The following ACAD10 variants were observed in gnomAD, a reference collection of about 807,000 sequenced individuals.
ACAD10 encodes the protein ACAD-10.
A neutral mutation model predicts 116.8 loss-of-function variants in ACAD10; 112 were observed. The ratio of observed to expected loss-of-function variants is 0.96; its 90% confidence interval spans 0.82 to 1.12. The LOEUF is 1.12. Among genes scored for constraint, ACAD10 ranks in the 50% most tolerant of loss-of-function variants. The pLI is 0.00. For missense variants in ACAD10, 1,259 were observed against 1,350.2 expected (o/e 0.93, Z 1.06); for synonymous variants, 486 against 510.6 (o/e 0.95, Z 0.65).
rs576796840 is a variant in ACAD10 at position 111,711,653 on chromosome 12, T to A, written c.691-845T>A. Among the ~76,000 whole-genome samples, 16 of 151,714 alleles carry A rather than the reference T, an allele frequency of 1.1e-4. No individual in the cohort carries two copies. In the South Asian group the frequency reaches 3.3e-3, roughly 32 times the overall value. On this transcript the variant is annotated intron_variant, in intron 5 of 20. Coordinates refer to ENST00000313698, the MANE Select transcript of ACAD10 (RefSeq NM_025247.6). ...CATTCTCCTGCCTCAGCCTCCCAAG[T>A]AGCTGGGACTACAGGCGCCTGGCTA...
At position 111,715,824 on chromosome 12, in the gene ACAD10, C is replaced by T. The variant is rs137994931; in HGVS notation, c.854C>T (p.Pro285Leu). 3 of 1,614,174 alleles carry T rather than the reference C, an allele frequency of 1.9e-6. No homozygotes were observed. The highest frequency in any genetic ancestry group is 2.5e-6 in the Non-Finnish European group (3 of 1,180,032). ...TTCTTTGTTTTCAAACTTGCAGGCC[C>T]ATTGGAACTACTTCAGTTTGATCAC... Reference protein sequence around the residue: ...KDLLGIQTTGPLELLQFDHGQ... With the variant: ...KDLLGIQTTGLLELLQFDHGQ... Residue 285 changes from proline to leucine, a missense_variant, in exon 7 of 21, where the codon CCA becomes CTA. By Grantham distance (98) the Pro-to-Leu change is moderately conservative (BLOSUM62 -3). Coordinates refer to ENST00000313698, the MANE Select transcript of ACAD10 (RefSeq NM_025247.6).
intron 4 of ACAD10, among the ~76,000 whole-genome samples, chr12:111,707,466 T>G (rs556405815): frequency 3.9e-5 from 6 of 152,252 alleles, no homozygotes; most frequent in African/African-American, 1.4e-4. Context: ...CTTTAGAAAC[T>G]CCAAAGCCCA....
chr12:111,718,036 C>CTTTTTTTTTTTTT lies in ACAD10; in HGVS notation c.992+2093_992+2105dup, dbSNP rs560344796. ...TATACGTAGGATCTATAGTGATATC[C>CTTTTTTTTTTTTT]TTTTTTTTTTTTTTTTTTTTTTTTT... On this transcript the variant is annotated intron_variant, in intron 7 of 20. Coordinates refer to ENST00000313698, the MANE Select transcript of ACAD10 (RefSeq NM_025247.6). 5.3e-4 allele frequency among the ~76,000 whole-genome samples: 34 copies of CTTTTTTTTTTTTT among 63,676 alleles called. 5 individuals carry two copies. The highest frequency in any genetic ancestry group is 2.4e-3 in the African/African-American group (29 of 12,206). 41.8% of individuals were successfully genotyped at this position (63,676 alleles called of 152,430 possible). A position where few individuals can be genotyped will look rare whatever the true frequency, so the allele number is the denominator to read the frequency against.
intron 8 of ACAD10, among the ~76,000 whole-genome samples, chr12:111,723,599 C>T (rs1205083754): frequency 1.5e-5 from 2 of 135,400 alleles, no homozygotes; most frequent in Non-Finnish European, 1.6e-5. Context: ...GGGGGGCTGA[C>T]CCCCCCACCT....
At chr12:111,738,931 A>G (rs973174573) in intron 12 of ACAD10, among the ~76,000 whole-genome samples, 2 of 134,642 alleles carry the variant, frequency 1.5e-5, no homozygotes, top group Non-Finnish European at 3.1e-5. Flanking sequence ...AAAGAGACAA[A>G]GTCTCATTGA....
intron 6 of ACAD10, among the ~76,000 whole-genome samples, chr12:111,713,201 C>T (rs978668035): frequency 7.3e-5 from 11 of 151,196 alleles, no homozygotes; most frequent in Admixed American, 2.7e-4. Context: ...ATCCCAGATA[C>T]TCGGGAGGCT....
At chr12:111,748,887 C>G (rs772422553) in intron 17 of ACAD10, 54 of 978,894 alleles carry the variant, frequency 5.5e-5, no homozygotes, top group Non-Finnish European at 7.6e-5. Flanking sequence ...TTCATAGGAT[C>G]ACTACATTGT....
At chr12:111,706,989 G>C (rs1888530127) in intron 4 of ACAD10, among the ~76,000 whole-genome samples, 1 of 150,434 alleles carries the variant, frequency 6.6e-6, no homozygotes, top group Admixed American at 6.7e-5. Flanking sequence ...TGTTGGCCAG[G>C]CTAGTCTCGA....
intron 8 of ACAD10, among the ~76,000 whole-genome samples, chr12:111,723,762 C>T (rs926602924): frequency 2.7e-5 from 4 of 150,874 alleles, no homozygotes; most frequent in Admixed American, 6.6e-5. Flanking sequence ...GGGTGGCTGC[C>T]GGGCAGAGAG....
rs372079522 is a variant in ACAD10, at chr12:111,692,842, G to A, written c.133G>A (p.Val45Met). 1.2e-6 allele frequency: 2 copies of A among 1,614,118 alleles called. No individual in the cohort carries two copies. The highest frequency in any genetic ancestry group is 2.7e-5 in the African/African-American group (2 of 74,946). The part of the protein sequence containing the change: ...THLGGSTYRA[V>M]IFDMGGVLIP... ...CCTTGGAGGCAGCACCTACAGAGCG[G>A]TGATTTTCGACATGGGCGGAGTTCT... The change falls in exon 2 of 21, where the codon GTG becomes ATG. Residue 45 changes from valine (V) to methionine (M), a missense_variant. Transcript: ENST00000313698.
chr12:111,745,493 C>A (rs768473664), intron 13 of ACAD10: 1 of 211,926 alleles, frequency 4.7e-6, no homozygotes, highest in Non-Finnish European at 9.3e-6. Flanking sequence ...ACCCGCTGTT[C>A]CTTATCACGT....
chr12:111,731,158 C>G lies in ACAD10; in HGVS notation c.1394+1202C>G, dbSNP rs543650182. Among the ~76,000 whole-genome samples, 4 of 152,334 alleles carry G rather than the reference C, an allele frequency of 2.6e-5. No homozygotes were observed. The South Asian group carries it at 8.3e-4, about 32-fold the overall frequency. ...TCATTGGCTTGACCGGTGTCCCTCG[C>G]TCCCGGCTTCTTCCGTTAGCCAGCC... On this transcript the variant is annotated intron_variant, in intron 10 of 20. Coordinates refer to ENST00000313698, the MANE Select transcript of ACAD10 (RefSeq NM_025247.6).
intron 18 of ACAD10, chr12:111,753,274 G>A (rs749808079): frequency 9.6e-6 from 3 of 313,124 alleles, no homozygotes; most frequent in African/African-American, 2.2e-5. Context: ...GGCCACCCAC[G>A]GCGGAAGGCC....
At chr12:111,723,055 C>G (rs1322763659) in intron 8 of ACAD10, among the ~76,000 whole-genome samples, 1 of 145,486 alleles carries the variant, frequency 6.9e-6, no homozygotes, top group African/African-American at 2.6e-5. Flanking sequence ...GGCGGCTGGC[C>G]GGGCAGAGGG....
chr12:111,694,271 T>C lies in ACAD10; in HGVS notation c.187+1375T>C, dbSNP rs139306705. Among the ~76,000 whole-genome samples the C allele has an allele frequency of 2.3e-3, 350 of 152,288 alleles. 2 individuals carry two copies. Among genetic ancestry groups the C allele is most frequent in the African/African-American group, 8.2e-3 (339 of 41,554 alleles). ...GAGCCTCTCTGTTCCTTCACTCTTATCTCTCTGTTCCTTCACTCGTATCTC... is the reference window on the plus strand; with the variant it reads ...GAGCCTCTCTGTTCCTTCACTCTTACCTCTCTGTTCCTTCACTCGTATCTC... On this transcript the variant is annotated intron_variant, in intron 2 of 20. Coordinates refer to ENST00000313698, the MANE Select transcript of ACAD10 (RefSeq NM_025247.6).
At chr12:111,755,629 C>A in intron 19 of ACAD10, 39 bp from the exon 20 acceptor site, 1 of 1,546,930 alleles carries the variant, frequency 6.5e-7, no homozygotes. Flanking sequence ...CCCAGGCTGC[C>A]CTCGGGTCTT....
intron 1 of ACAD10, among the ~76,000 whole-genome samples, chr12:111,689,041 A>C (rs1013566309): frequency 1.3e-4 from 19 of 151,442 alleles, no homozygotes; most frequent in Non-Finnish European, 2.8e-4. Context: ...AAACACAAAA[A>C]TTAGCCAGGC....
At chr12:111,749,535 A>G in intron 18 of ACAD10, 190 bp downstream of exon 18, 3 of 756,580 alleles carry the variant, frequency 4.0e-6, no homozygotes, top group Non-Finnish European at 6.2e-6. Flanking sequence ...TCAGAGCAGA[A>G]TGGACCCCAC....
Position 111,741,103 on chromosome 12 carries a change from A to G in ACAD10, c.1715-3540A>G, listed in dbSNP as rs117910205. ...GTCATGAGAAAAACTGTCCGGAGAAAAACCAGTACCCAGAGAATTTCTAGT... is the reference window on the plus strand; with the variant it reads ...GTCATGAGAAAAACTGTCCGGAGAAGAACCAGTACCCAGAGAATTTCTAGT... On this transcript the variant is annotated intron_variant, in intron 12 of 20. Coordinates refer to ENST00000313698, the MANE Select transcript of ACAD10 (RefSeq NM_025247.6). Among the ~76,000 whole-genome samples, 160 of 152,292 alleles carry G rather than the reference A, an allele frequency of 1.1e-3. 3 individuals carry two copies. The East Asian group carries it at 0.028, about 27-fold the overall frequency.
Sources: allele counts gnomAD v4.1 joint callset (sites outside exome capture counted in the v4.1 genomes callset), GRCh38; gene constraint gnomAD v4.1.1; transcripts MANE v1.5; gene names NCBI Gene and HGNC (gene_info 2026-07-23, HGNC 2026-07-21).